Variants in MID1 observed in about 807,000 individuals in gnomAD.
MID1 encodes the protein midline 1.
MID1 carries 7 observed loss-of-function variants against 40.4 expected under a neutral mutation model. The observed-to-expected ratio is 0.17, with a 90% CI of 0.10 to 0.33. The LOEUF is 0.33. Ranked by LOEUF, MID1 falls within the 10% of genes least tolerant of loss-of-function variation. The pLI, the probability that MID1 is intolerant of heterozygous loss-of-function variation, is 1.00. For missense variants in MID1, 367 were observed against 558.5 expected, an observed-to-expected ratio of 0.66 and a Z score of 3.46; for synonymous variants, 229 against 221.2, an observed-to-expected ratio of 1.04 and a Z score of -0.31.
chrX:10,655,852 T>C (rs751571570), intron 1 of MID1, among the ~76,000 whole-genome samples: 47 of 110,653 alleles, frequency 4.2e-4, no homozygotes, highest in African/African-American at 1.5e-3. Context: ...GCATCTCAGC[T>C]GGTGTTTTCT....
chrX:10,772,155 G>A lies in MID1; in HGVS notation c.-187+61399C>T, dbSNP rs940201471. Among the ~76,000 whole-genome samples the A allele has an allele frequency of 4.7e-4, 52 of 110,873 alleles. 1 individual carries two copies. The highest frequency in any genetic ancestry group is 1.7e-3 in the African/African-American group (52 of 30,477). On this transcript the variant is annotated intron_variant, in intron 1 of 10. Coordinates refer to the MID1 transcript ENST00000380785. ...GTGGGGTGTGTGTGTATATGTGTGT[G>A]TGTATATATATGTATATATGTGTGT...
At chrX:10,812,221 T>C (rs914209272) in intron 1 of MID1, among the ~76,000 whole-genome samples, 1 of 111,153 alleles carries the variant, frequency 9.0e-6, no homozygotes, top group Admixed American at 9.6e-5. Flanking sequence ...GGAGGCAGGC[T>C]ATGGTGGGAA....
At chrX:10,792,447 T>C (rs1384145898) in intron 1 of MID1, among the ~76,000 whole-genome samples, 1 of 112,576 alleles carries the variant, frequency 8.9e-6, no homozygotes, top group Non-Finnish European at 1.9e-5. Context: ...CAATAAACTC[T>C]GACTGACCGA....
chrX:10,552,781 C>T (rs1179423306), intron 2 of MID1, among the ~76,000 whole-genome samples: 1 of 111,006 alleles, frequency 9.0e-6, no homozygotes, highest in Non-Finnish European at 1.9e-5. Flanking sequence ...TATCCTTTGT[C>T]CAGGGCTTCC....
At chrX:10,759,932 C>T (rs1414714885) in intron 1 of MID1, among the ~76,000 whole-genome samples, 1 of 111,973 alleles carries the variant, frequency 8.9e-6, no homozygotes, top group Non-Finnish European at 1.9e-5. Flanking sequence ...GAGTTGTCCG[C>T]TGACTCCTGA....
At chrX:10,458,607 A>C (rs1354580550) in intron 8 of MID1, among the ~76,000 whole-genome samples, 1 of 112,002 alleles carries the variant, frequency 8.9e-6, no homozygotes, top group Non-Finnish European at 1.9e-5. Context: ...GCTATTCCAA[A>C]ATAAAAAATC....
chrX:10,720,221 T>C (rs2043340484), intron 1 of MID1, among the ~76,000 whole-genome samples: 1 of 111,381 alleles, frequency 9.0e-6, no homozygotes, highest in South Asian at 3.8e-4. Flanking sequence ...ACTAAAGAGC[T>C]TCTGCACAGC....
At chrX:10,792,682 G>A (rs1161366358) in intron 1 of MID1, among the ~76,000 whole-genome samples, 1 of 111,937 alleles carries the variant, frequency 8.9e-6, no homozygotes, top group Non-Finnish European at 1.9e-5. Flanking sequence ...ATGTCCAGAA[G>A]AGGCAAATCC....
chrX:10,827,394 C>A (rs967339770), intron 1 of MID1, among the ~76,000 whole-genome samples: 6 of 109,512 alleles, frequency 5.5e-5, no homozygotes, highest in African/African-American at 1.7e-4. Flanking sequence ...AAGTTGCACA[C>A]CTGGTAAAAC....
chrX:10,623,522 G>T (rs756813521), upstream of MID1, among the ~76,000 whole-genome samples: 3 of 111,689 alleles, frequency 2.7e-5, no homozygotes, highest in Non-Finnish European at 5.6e-5. Context: ...GTGCGGGTTT[G>T]GTTATTAACA....
intron 1 of MID1, among the ~76,000 whole-genome samples, chrX:10,658,853 A>G (rs2042893418): frequency 8.9e-6 from 1 of 111,957 alleles, no homozygotes; most frequent in African/African-American, 3.2e-5. Flanking sequence ...AGATAAGATA[A>G]TTATAATTGC....
chrX:10,739,992 C>T (rs2043512632), intron 1 of MID1, among the ~76,000 whole-genome samples: 1 of 112,501 alleles, frequency 8.9e-6, no homozygotes, highest in South Asian at 3.7e-4. Context: ...TCCTGTCAGA[C>T]AGGGCTCCAA....
intron 1 of MID1, among the ~76,000 whole-genome samples, chrX:10,831,034 T>C (rs1293746460): frequency 9.0e-6 from 1 of 111,682 alleles, no homozygotes; most frequent in Non-Finnish European, 1.9e-5. Context: ...TGATGCAATC[T>C]GCACCATATA....
rs149152576 is a variant in MID1, at chrX:10,727,557, C to G, written c.-187+105997G>C. ...GGAACTTCGCAATTTTTTTTCAAGA[C>G]TTGAGAGAATCATCATTCTAATATC... is the stretch of plus-strand genomic sequence containing the variant. On this transcript the variant is annotated intron_variant, in intron 1 of 10. Transcript: ENST00000380785. Among the ~76,000 whole-genome samples, 851 of 111,875 alleles carry G rather than the reference C, an allele frequency of 7.6e-3. 11 individuals carry two copies. The highest frequency in any genetic ancestry group is 0.026 in the African/African-American group (810 of 30,737).
chrX:10,515,352 C>T (rs895235946), intron 3 of MID1, among the ~76,000 whole-genome samples: 4 of 112,010 alleles, frequency 3.6e-5, no homozygotes, highest in Non-Finnish European at 7.5e-5. Context: ...TAACACCTCA[C>T]TCTCATCCTT....
intron 3 of MID1, among the ~76,000 whole-genome samples, chrX:10,519,540 ACT>A (rs779786733): frequency 1.8e-5 from 2 of 111,835 alleles, no homozygotes; most frequent in East Asian, 5.6e-4. Flanking sequence ...ATGATGAAAC[ACT>A]GATTCTACCC....
intron 1 of MID1, among the ~76,000 whole-genome samples, chrX:10,587,759 T>A (rs1013446298): frequency 2.7e-5 from 3 of 111,966 alleles, no homozygotes; most frequent in African/African-American, 9.7e-5. Context: ...AAATGAATGT[T>A]TCCTTTAGCA....
chrX:10,645,633 T>A (rs888475885), intron 1 of MID1, among the ~76,000 whole-genome samples: 4 of 112,416 alleles, frequency 3.6e-5, no homozygotes, highest in Non-Finnish European at 7.5e-5. Flanking sequence ...TAGGGTTTAC[T>A]AAGCACCCTA....
chrX:10,727,020 C>G (rs756936640), intron 1 of MID1, among the ~76,000 whole-genome samples: 1 of 113,368 alleles, frequency 8.8e-6, no homozygotes, highest in East Asian at 2.8e-4. Context: ...AAGCAAAGAA[C>G]AAAGTCTTCA....
Sources: allele counts gnomAD v4.1 joint callset (sites outside exome capture counted in the v4.1 genomes callset), GRCh38; gene constraint gnomAD v4.1.1; transcripts MANE v1.5; gene names NCBI Gene and HGNC (gene_info 2026-07-23, HGNC 2026-07-21).